The following ADAMTS3 variants were observed in gnomAD, a reference collection of about 807,000 sequenced individuals.
ADAMTS3 encodes the protein A disintegrin and metalloproteinase with thrombospondin motifs 3.
In ADAMTS3, 73 loss-of-function variants were observed where a neutral mutation model predicts 129.0. The observed-to-expected ratio is 0.57, with a 90% confidence interval of 0.47 to 0.69. The LOEUF (loss-of-function observed/expected upper bound fraction) is 0.69. Ranked by LOEUF, ADAMTS3 falls within the 30% of genes least tolerant of loss-of-function variation. ADAMTS3 has a pLI of 0.00. For missense variants in ADAMTS3, 1,457 were observed against 1,514.5 expected (o/e 0.96, Z 0.63); for synonymous variants, 477 against 510.8 (o/e 0.93, Z 0.89).
chr4:72,431,427 A>T (rs1722695705), intron 3 of ADAMTS3, among the ~76,000 whole-genome samples: 1 of 151,980 alleles, frequency 6.6e-6, no homozygotes, highest in African/African-American at 2.4e-5. Context: ...ACTGCTCTAA[A>T]ATCAAAACTT....
intron 3 of ADAMTS3, among the ~76,000 whole-genome samples, chr4:72,463,080 A>ATT (rs1486831228): frequency 6.6e-6 from 1 of 151,896 alleles, no homozygotes; most frequent in Non-Finnish European, 1.5e-5. Flanking sequence ...TTGATACAGT[A>ATT]TTTTTATGCT....
At chr4:72,537,049 G>A (rs1417881420) in intron 3 of ADAMTS3, among the ~76,000 whole-genome samples, 1 of 152,208 alleles carries the variant, frequency 6.6e-6, no homozygotes, top group Non-Finnish European at 1.5e-5. Context: ...TTGGAACTCT[G>A]TAGTCTACTG....
rs774024718 is a variant in ADAMTS3, at chr4:72,290,921, G to A, written c.2865C>T (p.Pro955=). ...CTCTGTTACAGGGCCGGCGGCTCTC[G>A]GGACGGTCACCCATGCAGTATTTGC... The part of the protein sequence containing the change: ...VHSKYCMGDR[P]ESRRPCNRVP... Residue 955 remains proline (P), a synonymous_variant, in exon 20 of 22, where the codon CCC becomes CCT. Transcript: ENST00000286657. 23 of 1,613,892 alleles carry A rather than the reference G, an allele frequency of 1.4e-5. No homozygotes were observed. Among genetic ancestry groups the A allele is most frequent in the Admixed American group, 6.7e-5 (4 of 59,990 alleles).
At chr4:72,352,814 A>G (rs1388981749) in intron 4 of ADAMTS3, among the ~76,000 whole-genome samples, 1 of 151,980 alleles carries the variant, frequency 6.6e-6, no homozygotes, top group African/African-American at 2.4e-5. Context: ...ACGCAGAAAG[A>G]CTGAAAAGTA....
At chr4:72,485,779 T>C (rs1719574811) in intron 3 of ADAMTS3, among the ~76,000 whole-genome samples, 1 of 152,060 alleles carries the variant, frequency 6.6e-6, no homozygotes, top group African/African-American at 2.4e-5. Flanking sequence ...CTTACGGTAA[T>C]GAAATTAAGA....
intron 3 of ADAMTS3, among the ~76,000 whole-genome samples, chr4:72,465,773 G>A (rs935649129): frequency 1.1e-4 from 17 of 151,954 alleles, no homozygotes; most frequent in African/African-American, 3.9e-4. Context: ...GTCAAGGGTG[G>A]GGCCATGTGG....
At chr4:72,292,103 T>A (rs1398446459) in intron 19 of ADAMTS3, among the ~76,000 whole-genome samples, 1 of 152,176 alleles carries the variant, frequency 6.6e-6, no homozygotes, top group African/African-American at 2.4e-5. Context: ...CATCTGACAG[T>A]GAATCTTTAA....
intron 5 of ADAMTS3, among the ~76,000 whole-genome samples, chr4:72,326,571 C>T (rs990605311): frequency 1.3e-5 from 2 of 152,034 alleles, no homozygotes; most frequent in African/African-American, 4.8e-5. Flanking sequence ...TTCTTGTTGA[C>T]AAACTCTACT....
rs187118869 is a variant in ADAMTS3 at position 72,441,913 on chromosome 4, C to T, written c.505-26942G>A. On this transcript the variant is annotated intron_variant, in intron 3 of 21. Coordinates refer to ENST00000286657, the MANE Select transcript of ADAMTS3 (RefSeq NM_014243.3). The stretch of plus-strand genomic sequence containing the variant: ...CAACTTAATGACGTTGAGGCTGGCA[C>T]GAGGGCAATTCTCAAGGCCTTTCCT... The T allele has an allele frequency of 3.2e-4, 48 of 149,784 alleles. 2 individuals are homozygous for T. The highest frequency in any genetic ancestry group is 1.4e-3 in the East Asian group (7 of 5,114). 9.3% of individuals were successfully genotyped at this position (149,784 alleles called of 1,614,324 possible).
chr4:72,427,874 A>G (rs1722610119), intron 3 of ADAMTS3, among the ~76,000 whole-genome samples: 2 of 152,134 alleles, frequency 1.3e-5, no homozygotes, highest in African/African-American at 2.4e-5. Context: ...CACACACAAT[A>G]TATCTGTTGC....
At chr4:72,318,740 T>C (rs747278910) in intron 9 of ADAMTS3, 36 bp from the exon 10 acceptor site, 1 of 1,592,956 alleles carries the variant, frequency 6.3e-7, no homozygotes, top group South Asian at 1.1e-5. Context: ...AGTTAAATGT[T>C]CACTTAAAAA....
At chr4:72,284,594 T>C (rs1028073792) in intron 21 of ADAMTS3, among the ~76,000 whole-genome samples, 2 of 152,226 alleles carry the variant, frequency 1.3e-5, no homozygotes, top group Non-Finnish European at 2.9e-5. Flanking sequence ...CATTTAATTT[T>C]ATTGAATTGA....
chr4:72,412,810 G>C (rs1042568696), intron 4 of ADAMTS3, among the ~76,000 whole-genome samples: 4 of 151,876 alleles, frequency 2.6e-5, no homozygotes, highest in Non-Finnish European at 2.9e-5. Context: ...TACTCTAGTT[G>C]GTGGCCTACT....
chr4:72,295,895 T>C (rs1230512361), intron 18 of ADAMTS3, 109 bp from the exon 19 acceptor site: 16 of 1,366,320 alleles, frequency 1.2e-5, no homozygotes, highest in Non-Finnish European at 1.2e-5. Flanking sequence ...AATAAATATG[T>C]ATTGAGTGCA....
chr4:72,335,969 C>A (rs1175800431), intron 5 of ADAMTS3, among the ~76,000 whole-genome samples: 1 of 152,086 alleles, frequency 6.6e-6, no homozygotes, highest in Non-Finnish European at 1.5e-5. Flanking sequence ...GAAAGCATGA[C>A]ATAAGAAATA....
In ADAMTS3 at chr4:72,414,989, T is replaced by C. The variant is rs775163642; in HGVS notation, c.505-18A>G. ...ATTCCAGCCTAGAGAAAGCACAAAA[T>C]GTGTTAATTTAAAAAAGAAATATCT... is the stretch of plus-strand genomic sequence containing the variant. On this transcript the variant is annotated intron_variant, in intron 3 of 21. Transcript: ENST00000286657. The C allele has an allele frequency of 1.5e-5, 21 of 1,432,708 alleles. No individual in the cohort carries two copies. The East Asian group carries it at 4.5e-4, about 31-fold the overall frequency. The allele number at this position is 1,432,708 out of a possible 1,614,324, so 88.7% of individuals were successfully genotyped here. A position where few individuals can be genotyped will look rare whatever the true frequency, so the allele number is the denominator to read the frequency against.
At chr4:72,358,586 C>A (rs903209347) in intron 4 of ADAMTS3, among the ~76,000 whole-genome samples, 1 of 151,916 alleles carries the variant, frequency 6.6e-6, no homozygotes, top group African/African-American at 2.4e-5. Context: ...ATATTATAAA[C>A]AATAAACTAT....
rs1722198786 is a variant in ADAMTS3, at chr4:72,412,119, T to C, written c.661+2696A>G. ...TGATGAAATCTTGCAGGGTCAGAAA[T>C]GGCTTGCTTATGATCAAAACTCCTA... is the stretch of plus-strand genomic sequence containing the variant. On this transcript the variant is annotated intron_variant, in intron 4 of 21. Coordinates refer to ENST00000286657, the MANE Select transcript of ADAMTS3 (RefSeq NM_014243.3). 2.0e-5 allele frequency among the ~76,000 whole-genome samples: 3 copies of C among 152,094 alleles called. No homozygotes were observed. The South Asian group carries it at 6.2e-4, about 31-fold the overall frequency.
At chr4:72,312,817 G>A (rs180709200) in intron 12 of ADAMTS3, among the ~76,000 whole-genome samples, 12 of 152,184 alleles carry the variant, frequency 7.9e-5, no homozygotes, top group African/African-American at 2.2e-4. Context: ...TTTGGTCATC[G>A]CTCCATGGCT....
Sources: gnomAD v4.1 joint callset for allele counts (sites outside exome capture counted in the v4.1 genomes callset) on GRCh38, gnomAD v4.1.1 for gene constraint, MANE v1.5 for transcripts, NCBI Gene and HGNC (gene_info 2026-07-23, HGNC 2026-07-21) for gene names.